ZNF638: variants seen among roughly 807,000 people sequenced by gnomAD.
The protein encoded by ZNF638 is zinc finger protein 638.
A neutral mutation model predicts 195.6 loss-of-function variants in ZNF638; 46 were observed. That is an observed-to-expected ratio of 0.24 (90% CI 0.19 to 0.30). The LOEUF (loss-of-function observed/expected upper bound fraction) is 0.30. ZNF638 is among the 10% of genes least tolerant of loss of function. The pLI is 1.00. For synonymous variants in ZNF638, 845 were observed against 772.0 expected (o/e 1.09, Z -1.57); for missense variants, 2,440 against 2,325.3 (o/e 1.05, Z -1.01).
At chr2:71,356,433 A>G (rs1441031294) in intron 3 of ZNF638, among the ~76,000 whole-genome samples, 1 of 152,178 alleles carries the variant, frequency 6.6e-6, no homozygotes, top group Non-Finnish European at 1.5e-5. Flanking sequence ...CACTAGACTG[A>G]GAGTAACGTG....
At chr2:71,377,370 A>G (rs916780715) in intron 8 of ZNF638, among the ~76,000 whole-genome samples, 3 of 152,162 alleles carry the variant, frequency 2.0e-5, no homozygotes, top group African/African-American at 7.2e-5. Context: ...TAAAACTTCA[A>G]TTCAGTGTTT....
chr2:71,407,009 G>A (rs902719643), intron 19 of ZNF638, among the ~76,000 whole-genome samples: 1 of 152,020 alleles, frequency 6.6e-6, no homozygotes, highest in Non-Finnish European at 1.5e-5. Flanking sequence ...CAAAAATAAA[G>A]TAATCATTCC....
chr2:71,365,855 CA>C, intron 6 of ZNF638, 149 bp downstream of exon 6: 1 of 790,336 alleles, frequency 1.3e-6, no homozygotes, highest in East Asian at 2.7e-5. Context: ...AAGTAGCTGG[CA>C]CCACAGGCGT....
chr2:71,386,640 A>ATAATTACCCATCTTAATTCTC, intron 10 of ZNF638, among the ~76,000 whole-genome samples: 1 of 152,346 alleles, frequency 6.6e-6, no homozygotes, highest in Non-Finnish European at 1.5e-5. Flanking sequence ...CTATTTAATT[A>ATAATTACCCATCTTAATTCTC]TAATTACCCA....
chr2:71,370,119 A>G, intron 8 of ZNF638, 114 bp downstream of exon 8: 1 of 1,122,496 alleles, frequency 8.9e-7, no homozygotes, highest in African/African-American at 1.6e-5. Context: ...TTAGCTCAAC[A>G]CATTATATGT....
Position 71,343,587 on chromosome 2 carries a change from G to A in ZNF638, c.-202-5166G>A, listed in dbSNP as rs926028965. Among the ~76,000 whole-genome samples, 2 of 152,278 alleles carry A rather than the reference G, an allele frequency of 1.3e-5. 1 individual carries two copies. The highest frequency in any genetic ancestry group is 4.1e-4 in the South Asian group (2 of 4,828). On this transcript the variant is annotated intron_variant, in intron 1 of 27. Transcript: ENST00000264447. ...ATTAGGCATGTAGCAGTGTAGGAGA[G>A]CCAGTAGCTAAAAATTAAATGGAAT...
intron 23 of ZNF638, among the ~76,000 whole-genome samples, chr2:71,425,307 T>G (rs985014690): frequency 6.6e-6 from 1 of 152,188 alleles, no homozygotes; most frequent in Non-Finnish European, 1.5e-5. Context: ...TTACTAGTTT[T>G]AAGCAGAAAT....
intron 8 of ZNF638, among the ~76,000 whole-genome samples, chr2:71,377,617 C>A (rs898039098): frequency 1.3e-5 from 2 of 152,190 alleles, no homozygotes; most frequent in African/African-American, 4.8e-5. Context: ...TCTGTTGTGT[C>A]AGGCATTGTA....
At chr2:71,417,124 G>C (rs1327470285) in intron 20 of ZNF638, among the ~76,000 whole-genome samples, 4 of 147,202 alleles carry the variant, frequency 2.7e-5, no homozygotes, top group Non-Finnish European at 4.5e-5. Flanking sequence ...CTAGCAATCA[G>C]CGAGATTCCG....
intron 1 of ZNF638, among the ~76,000 whole-genome samples, chr2:71,343,184 T>C (rs1182917752): frequency 6.6e-6 from 1 of 152,186 alleles, no homozygotes; most frequent in African/African-American, 2.4e-5. Context: ...GTTACTGAAA[T>C]TTGTTTTTTT....
intron 6 of ZNF638, 113 bp downstream of exon 6, chr2:71,365,819 A>C (rs1052661174): frequency 4.8e-6 from 5 of 1,040,908 alleles, no homozygotes; most frequent in Non-Finnish European, 6.9e-6. Flanking sequence ...TCCTGGGCTC[A>C]AGTGATCCTC....
At chr2:71,429,634 C>T (rs149484305) in intron 25 of ZNF638, among the ~76,000 whole-genome samples, 3 of 152,254 alleles carry the variant, frequency 2.0e-5, no homozygotes, top group Non-Finnish European at 4.4e-5. Context: ...TAGAGCAAAA[C>T]GTCTAGAAAG....
At chr2:71,422,750 C>A in intron 21 of ZNF638, 64 bp from the exon 22 acceptor site, 2 of 1,501,276 alleles carry the variant, frequency 1.3e-6, no homozygotes, top group South Asian at 1.3e-5. Flanking sequence ...GAATTCTCAT[C>A]ATAGTTTGAT....
At chr2:71,378,605 ATAAGT>A (rs550306208) in intron 8 of ZNF638, among the ~76,000 whole-genome samples, 47 of 152,322 alleles carry the variant, frequency 3.1e-4, no homozygotes, top group African/African-American at 1.1e-3. Context: ...AAGACCACAA[ATAAGT>A]TAAAAATGCA....
intron 20 of ZNF638, among the ~76,000 whole-genome samples, chr2:71,410,049 A>G (rs868272777): frequency 2.7e-4 from 41 of 152,002 alleles, no homozygotes; most frequent in African/African-American, 9.9e-4. Context: ...TGCTTAGGCT[A>G]TTTTTCCTTT....
At chr2:71,432,951 G>C (rs1475970264) in intron 26 of ZNF638, among the ~76,000 whole-genome samples, 1 of 152,192 alleles carries the variant, frequency 6.6e-6, no homozygotes, top group Non-Finnish European at 1.5e-5. Context: ...GCCAGGCGCG[G>C]TGGCGCACAC....
At chr2:71,428,716 A>T in intron 25 of ZNF638, 65 bp downstream of exon 25, 1 of 1,383,050 alleles carries the variant, frequency 7.2e-7, no homozygotes, top group Non-Finnish European at 1.0e-6. Flanking sequence ...TGAAGTTTAA[A>T]GATCTATCTA....
rs189365341 is a variant in ZNF638 at position 71,380,758 on chromosome 2, A to G, written c.2377+193A>G. ...TAATTACAGAATCACTTCTGGAGTA[A>G]ATACAACAAATCTGTGAGATAATGT... On this transcript the variant is annotated intron_variant, in intron 10 of 27. Transcript: ENST00000264447. 9 of 426,704 alleles carry G rather than the reference A, an allele frequency of 2.1e-5. No individual in the cohort carries two copies. In the East Asian group the frequency reaches 3.3e-4, roughly 16 times the overall value. 26.4% of individuals were successfully genotyped at this position (426,704 alleles called of 1,614,324 possible).
chr2:71,349,929 A>G lies in ZNF638; in HGVS notation c.975A>G (p.Gln325=), dbSNP rs1411339534. ...INQTVSQTMS[Q]SLIPPSMNQQ... ...AAACAGTTAGCCAGACAATGAGTCA[A>G]TCTCTGATTCCTCCATCTATGAACC... The change falls in exon 2 of 28, where the codon CAA becomes CAG. Residue 325 remains glutamine, a synonymous_variant. Transcript: ENST00000264447. 4.3e-6 allele frequency: 7 copies of G among 1,614,228 alleles called. No individual in the cohort carries two copies. Among genetic ancestry groups the G allele is most frequent in the Middle Eastern group, 1.6e-4 (1 of 6,062 alleles).
Sources: gnomAD v4.1 joint callset for allele counts (sites outside exome capture counted in the v4.1 genomes callset) on GRCh38, gnomAD v4.1.1 for gene constraint, MANE v1.5 for transcripts, NCBI Gene and HGNC (gene_info 2026-07-23, HGNC 2026-07-21) for gene names.